The following OXR1 variants were observed in gnomAD, a reference collection of about 807,000 sequenced individuals.
OXR1 encodes oxidation resistance 1.
In OXR1, 41 loss-of-function variants were observed where a neutral mutation model predicts 104.6. That is an observed-to-expected ratio of 0.39 (90% CI 0.31 to 0.51). The LOEUF (loss-of-function observed/expected upper bound fraction) is 0.51. Ranked by LOEUF, OXR1 falls within the 20% of genes least tolerant of loss-of-function variation. The pLI, the probability that OXR1 is intolerant of heterozygous loss-of-function variation, is 0.77. For synonymous variants in OXR1, 348 were observed against 348.4 expected, an observed-to-expected ratio of 1.00 and a Z score of 0.01; for missense variants, 955 against 1,031.9, an observed-to-expected ratio of 0.93 and a Z score of 1.02.
chr8:106,553,855 C>A (rs1453888737), intron 3 of OXR1, among the ~76,000 whole-genome samples: 1 of 152,108 alleles, frequency 6.6e-6, no homozygotes, highest in South Asian at 2.1e-4. Flanking sequence ...ACTTTCTTAC[C>A]CATTACCTTA....
intron 3 of OXR1, among the ~76,000 whole-genome samples, chr8:106,595,921 A>G (rs1446078757): frequency 6.6e-6 from 1 of 152,236 alleles, no homozygotes; most frequent in East Asian, 1.9e-4. Flanking sequence ...AACCCTTGAA[A>G]AAGAAAGTGT....
At chr8:106,564,431 C>T (rs1023082222) in intron 3 of OXR1, among the ~76,000 whole-genome samples, 1 of 151,692 alleles carries the variant, frequency 6.6e-6, no homozygotes, top group African/African-American at 2.4e-5. Context: ...ACCCCCGCCC[C>T]ACCACGACTA....
intron 3 of OXR1, among the ~76,000 whole-genome samples, chr8:106,545,314 G>A (rs16874844): frequency 0.021 from 3,222 of 152,240 alleles, 120 homozygotes; most frequent in African/African-American, 0.073. Context: ...CAGCTGGAAC[G>A]TTATTTGATC....
intron 2 of OXR1, among the ~76,000 whole-genome samples, chr8:106,468,058 G>T (rs1002338743): frequency 6.6e-6 from 1 of 151,736 alleles, no homozygotes; most frequent in African/African-American, 2.4e-5. Context: ...TAATGATTAT[G>T]GGAATGAGAC....
intron 1 of OXR1, among the ~76,000 whole-genome samples, chr8:106,274,612 A>G (rs1314805365): frequency 1.8e-5 from 1 of 56,566 alleles, no homozygotes; most frequent in African/African-American, 6.4e-5. Context: ...CCCCCCCCCG[A>G]CCCCGCCCTT....
intron 1 of OXR1, among the ~76,000 whole-genome samples, chr8:106,281,669 G>A (rs1000251677): frequency 2.0e-5 from 3 of 151,944 alleles, no homozygotes; most frequent in East Asian, 1.9e-4. Context: ...GTGCACTGGC[G>A]CACGCCTGTA....
At chr8:106,284,071 G>A (rs78207100) in intron 1 of OXR1, among the ~76,000 whole-genome samples, 154 of 151,982 alleles carry the variant, frequency 1.0e-3, no homozygotes, top group African/African-American at 3.5e-3. Context: ...GCACTCAGCC[G>A]AACATGGGAT....
chr8:106,643,474 C>T (rs1266277041), intron 3 of OXR1, among the ~76,000 whole-genome samples: 1 of 151,628 alleles, frequency 6.6e-6, no homozygotes, highest in African/African-American at 2.4e-5. Flanking sequence ...AACAATGGGC[C>T]TAATACATAC....
chr8:106,483,667 A>G (rs1368070888), intron 2 of OXR1, among the ~76,000 whole-genome samples: 1 of 152,100 alleles, frequency 6.6e-6, no homozygotes, highest in Non-Finnish European at 1.5e-5. Flanking sequence ...ATGACTTGGC[A>G]TTGTGATCTT....
intron 3 of OXR1, among the ~76,000 whole-genome samples, chr8:106,646,743 C>T (rs1020578868): frequency 1.9e-4 from 29 of 152,186 alleles, no homozygotes; most frequent in Non-Finnish European, 1.9e-4. Flanking sequence ...CTCTCTACTG[C>T]AACCTCAAAG....
At chr8:106,745,890 G>A in intron 16 of OXR1, 28 bp downstream of exon 16, 1 of 1,235,576 alleles carries the variant, frequency 8.1e-7, no homozygotes, top group East Asian at 2.3e-5. Context: ...TTCACTATGA[G>A]ATTTTTGAAG....
intron 3 of OXR1, among the ~76,000 whole-genome samples, chr8:106,565,688 AG>A (rs1817016911): frequency 6.6e-6 from 1 of 152,196 alleles, no homozygotes; most frequent in Non-Finnish European, 1.5e-5. Context: ...CTAAGCAAAA[AG>A]AACAAAGCTG....
At chr8:106,272,847 T>G (rs1370803787) in intron 1 of OXR1, 1 of 152,204 alleles carries the variant, frequency 6.6e-6, no homozygotes, top group Non-Finnish European at 1.5e-5. Flanking sequence ...AAATGATCAT[T>G]TTAGCCATTC....
chr8:106,406,933 TAAAAG>T (rs35360314), intron 2 of OXR1, among the ~76,000 whole-genome samples: 34,280 of 151,768 alleles, frequency 0.23, 5,433 homozygotes, highest in African/African-American at 0.43. Context: ...TTCTTGCTGT[TAAAAG>T]TAATAGCAAA....
intron 12 of OXR1, 104 bp from the exon 13 acceptor site, chr8:106,739,354 C>A (rs1416240343): frequency 4.0e-6 from 4 of 1,008,766 alleles, no homozygotes; most frequent in Non-Finnish European, 5.9e-6. Context: ...AAAGATTTAG[C>A]CACATTTTCT....
intron 2 of OXR1, among the ~76,000 whole-genome samples, chr8:106,373,945 G>A (rs911846831): frequency 2.0e-5 from 3 of 152,222 alleles, no homozygotes; most frequent in Admixed American, 6.5e-5. Flanking sequence ...AATTACTGAT[G>A]TAATAGGAAT....
chr8:106,673,636 A>C (rs760742692), intron 3 of OXR1, among the ~76,000 whole-genome samples: 1 of 152,188 alleles, frequency 6.6e-6, no homozygotes. Context: ...TTTCCAGGGC[A>C]TGTCAGAGAC....
At chr8:106,684,850 A>G (rs1828536628) in intron 6 of OXR1, among the ~76,000 whole-genome samples, 1 of 152,222 alleles carries the variant, frequency 6.6e-6, no homozygotes, top group African/African-American at 2.4e-5. Context: ...GAGTGTTCTA[A>G]TAACTTACAT....
chr8:106,650,277 G>A (rs1824454092), intron 3 of OXR1, among the ~76,000 whole-genome samples: 1 of 152,164 alleles, frequency 6.6e-6, no homozygotes. Context: ...GAACCTGAGG[G>A]AGAGAGAGGC....
Sources: gnomAD v4.1 joint callset for allele counts (sites outside exome capture counted in the v4.1 genomes callset) on GRCh38, gnomAD v4.1.1 for gene constraint, MANE v1.5 for transcripts, NCBI Gene and HGNC (gene_info 2026-07-23, HGNC 2026-07-21) for gene names.